GUCY2C: variants seen among roughly 807,000 people sequenced by gnomAD.
The protein encoded by GUCY2C is guanylyl cyclase C.
In GUCY2C, 118 loss-of-function variants were observed where a neutral mutation model predicts 131.1. That is an observed-to-expected ratio of 0.90 (90% CI 0.78 to 1.05). The LOEUF (loss-of-function observed/expected upper bound fraction) is 1.05, where lower values mean the gene tolerates loss of function less well. Ranked by LOEUF, GUCY2C falls within the 50% of genes least tolerant of loss-of-function variation. The pLI, the probability that GUCY2C is intolerant of heterozygous loss-of-function variation, is 0.00. For synonymous variants in GUCY2C, 452 were observed against 457.8 expected (o/e 0.99, Z 0.16); for missense variants, 1,161 against 1,304.4 (o/e 0.89, Z 1.69).
rs142316972 is a variant in GUCY2C at position 14,612,790 on chromosome 12, C to T, written c.*327G>A. ...CAGAAGGAAAGCCAGTAAACAAAAA[C>T]GATAAAAATAAACAAACAAAAAATA... On this transcript the variant is annotated 3_prime_UTR_variant, in exon 27 of 27. Coordinates refer to ENST00000261170, the MANE Select transcript of GUCY2C (RefSeq NM_004963.4). 85 of 204,970 alleles carry T rather than the reference C, an allele frequency of 4.1e-4. No homozygotes were observed. In the East Asian group the frequency reaches 5.5e-3, roughly 13 times the overall value. 12.7% of individuals were successfully genotyped at this position (204,970 alleles called of 1,614,324 possible).
rs556321610 is a variant in GUCY2C, at chr12:14,656,596, T to A, written c.1386A>T (p.Glu462Asp). 72 of 1,572,348 alleles carry A rather than the reference T, an allele frequency of 4.6e-5. No homozygotes were observed. Among genetic ancestry groups the A allele is most frequent in the Non-Finnish European group, 6.0e-5 (68 of 1,142,070 alleles). ...TGTGGGACCATTTTTTCTGACGAAG[T>A]TCATAATCTTTTCTATATTTTCTGT... ...LMLRKYRKDYELRQKKWSHIP... is the reference protein window; with the variant it reads ...LMLRKYRKDYDLRQKKWSHIP... Residue 462 changes from glutamate (E) to aspartate (D), a missense_variant, in exon 12 of 27, where the codon GAA (glutamate) becomes GAT (aspartate). Glu to Asp is a conservative substitution (Grantham distance 45). Coordinates refer to ENST00000261170, the MANE Select transcript of GUCY2C (RefSeq NM_004963.4).
chr12:14,671,108 G>A (rs1948098323), intron 9 of GUCY2C, among the ~76,000 whole-genome samples: 1 of 152,038 alleles, frequency 6.6e-6, no homozygotes. Context: ...TACAATTCAA[G>A]TTGAGATTTC....
chr12:14,665,218 GAAA>G (rs550017739), intron 10 of GUCY2C, among the ~76,000 whole-genome samples: 2 of 85,424 alleles, frequency 2.3e-5, no homozygotes, highest in Admixed American at 1.4e-4. Flanking sequence ...TCCGTCTCAG[GAAA>G]AAAAAAAAAA....
chr12:14,646,929 G>A (rs1460035147), intron 15 of GUCY2C, among the ~76,000 whole-genome samples: 3 of 152,088 alleles, frequency 2.0e-5, no homozygotes, highest in South Asian at 4.1e-4. Context: ...TGATAAGTAC[G>A]AAGAAAAATT....
chr12:14,645,838 G>GTTTTTTTTTT (rs1565616855), intron 15 of GUCY2C, among the ~76,000 whole-genome samples: 1 of 148,586 alleles, frequency 6.7e-6, no homozygotes, highest in Non-Finnish European at 1.5e-5. Context: ...GTTTTTTTTT[G>GTTTTTTTTTT]TTTTGTTTTG....
chr12:14,630,300 C>T (rs984363020), intron 19 of GUCY2C, among the ~76,000 whole-genome samples: 4 of 151,952 alleles, frequency 2.6e-5, no homozygotes, highest in African/African-American at 9.7e-5. Flanking sequence ...GATGCTCCTG[C>T]CTTGGTAAGT....
At chr12:14,618,755 C>T (rs187507201) in intron 24 of GUCY2C, among the ~76,000 whole-genome samples, 352 of 152,132 alleles carry the variant, frequency 2.3e-3, no homozygotes, top group African/African-American at 8.2e-3. Context: ...GAGCTATGAT[C>T]GTGTCACTGC....
In GUCY2C at chr12:14,640,836, C is replaced by G. The variant is rs111233363; in HGVS notation, c.2068+246G>C. On this transcript the variant is annotated intron_variant, in intron 18 of 26. Coordinates refer to ENST00000261170, the MANE Select transcript of GUCY2C (RefSeq NM_004963.4). ...CAAAAGGAAAGAGGACAATTGTAAA[C>G]GAAGATTGTTAACAATGATACTGAC... Among the ~76,000 whole-genome samples the G allele has an allele frequency of 4.8e-3, 724 of 152,270 alleles. 7 individuals carry two copies. The highest frequency in any genetic ancestry group is 0.017 in the African/African-American group (687 of 41,540).
intron 24 of GUCY2C, 29 bp from the exon 25 acceptor site, chr12:14,616,756 C>A: frequency 8.0e-7 from 1 of 1,247,194 alleles, no homozygotes; most frequent in Non-Finnish European, 1.2e-6. Context: ...AAATAAAAAT[C>A]CCAGCTAGTA....
At chr12:14,663,841 C>T (rs1947917770) in intron 10 of GUCY2C, among the ~76,000 whole-genome samples, 1 of 152,084 alleles carries the variant, frequency 6.6e-6, no homozygotes, top group African/African-American at 2.4e-5. Flanking sequence ...AAAAACCTGG[C>T]CCTGGTCATC....
At position 14,613,226 on chromosome 12, in the gene GUCY2C, T is replaced by G. The variant is rs573733746; in HGVS notation, c.3113A>C (p.Gln1038Pro). The change falls in exon 27 of 27, where the codon CAG becomes CCG. Residue 1038 changes from glutamine (Q) to proline (P), a missense_variant. By Grantham distance (76) the Gln-to-Pro change is moderately conservative. Transcript: ENST00000261170. The surrounding 1 kb of genome is among the most constrained non-coding windows in gnomAD (Gnocchi z 4.9). ...TTTTTGGCTTCTTATCCCTGCTGCC[T>G]GTCTTTTCTGTAAAGAGTTGGCAAT... ...DMIANSLQKR[Q>P]AAGIRSQKPR... The G allele has an allele frequency of 5.0e-6, 8 of 1,613,212 alleles. No individual in the cohort carries two copies. In the South Asian group the frequency reaches 6.6e-5, roughly 13 times the overall value.
intron 11 of GUCY2C, among the ~76,000 whole-genome samples, chr12:14,656,959 A>G (rs1947774168): frequency 6.6e-6 from 1 of 152,324 alleles, no homozygotes; most frequent in Admixed American, 6.5e-5. Flanking sequence ...GGAGTGTGCA[A>G]CATAGATCCC....
intron 15 of GUCY2C, among the ~76,000 whole-genome samples, chr12:14,651,041 A>G (rs1258921147): frequency 6.6e-6 from 1 of 152,210 alleles, no homozygotes; most frequent in Admixed American, 6.5e-5. Context: ...CAGCAGAACC[A>G]AGAATGATGA....
chr12:14,637,486 C>A (rs530397120), intron 19 of GUCY2C, among the ~76,000 whole-genome samples: 9 of 152,222 alleles, frequency 5.9e-5, no homozygotes, highest in Admixed American at 3.3e-4. Flanking sequence ...CCAAAGCAAT[C>A]CCAAGCAAAA....
intron 7 of GUCY2C, among the ~76,000 whole-genome samples, chr12:14,675,207 C>CAAAAAAAAAAAAAAAACAA (rs1948203230): frequency 2.9e-5 from 1 of 34,788 alleles, no homozygotes; most frequent in Non-Finnish European, 5.2e-5. Context: ...AACTCCATCT[C>CAAAAAAAAAAAAAAAACAA]AAAAAAAAAA....
chr12:14,633,947 G>A (rs1484459885), intron 19 of GUCY2C, among the ~76,000 whole-genome samples: 1 of 152,130 alleles, frequency 6.6e-6, no homozygotes, highest in Admixed American at 6.5e-5. Context: ...AATTTTTGGT[G>A]TCCCAAAAGG....
At chr12:14,690,677 G>T (rs1413728106) in intron 1 of GUCY2C, among the ~76,000 whole-genome samples, 1 of 152,136 alleles carries the variant, frequency 6.6e-6, no homozygotes, top group African/African-American at 2.4e-5. Context: ...GAGTAGCTGG[G>T]ACTACAGGTG....
chr12:14,682,845 A>G (rs969825412), intron 4 of GUCY2C, among the ~76,000 whole-genome samples, 197 bp downstream of exon 4: 1 of 152,208 alleles, frequency 6.6e-6, no homozygotes, highest in Non-Finnish European at 1.5e-5. Context: ...TGCAGATGCA[A>G]ACTATACTGA....
intron 10 of GUCY2C, among the ~76,000 whole-genome samples, chr12:14,666,667 A>C (rs1187368103): frequency 6.6e-6 from 1 of 151,196 alleles, no homozygotes. Flanking sequence ...TCCGGGAGGC[A>C]GAGGTTGCAG....
Sources: allele counts gnomAD v4.1 joint callset (sites outside exome capture counted in the v4.1 genomes callset), GRCh38; gene constraint gnomAD v4.1.1; non-coding constraint Gnocchi (gnomAD v3.1); transcripts MANE v1.5; gene names NCBI Gene and HGNC (gene_info 2026-07-23, HGNC 2026-07-21).